The following RBFOX1 variants were observed in gnomAD, a reference collection of about 807,000 sequenced individuals.
RBFOX1 encodes RNA binding fox-1 homolog 1.
In RBFOX1, 8 loss-of-function variants were observed where a neutral mutation model predicts 57.7. That is an observed-to-expected ratio of 0.14 (90% CI 0.08 to 0.25). RBFOX1 has a LOEUF of 0.25. RBFOX1 is among the 10% of genes least tolerant of loss of function. The probability of loss-of-function intolerance (pLI) is 1.00; values close to 1 mark genes in which losing one functional copy is unlikely to be tolerated. For missense variants in RBFOX1, 611 were observed against 548.5 expected (o/e 1.11, Z -1.14); for synonymous variants, 326 against 222.4 (o/e 1.47, Z -4.15).
chr16:5,599,036 C>G (rs564553237), exon 3 of RBFOX1: 1 of 1,258,218 alleles, frequency 7.9e-7, no homozygotes, highest in Non-Finnish European at 1.1e-6. Context: ...CTTTGGTCTC[C>G]GTCATCAATC....
intron 10 of RBFOX1, among the ~76,000 whole-genome samples, chr16:7,608,972 T>C (rs2056888676): frequency 6.6e-6 from 1 of 152,108 alleles, no homozygotes. Context: ...TGTTAATTTC[T>C]GGGATCGGGG....
intron 3 of RBFOX1, among the ~76,000 whole-genome samples, chr16:7,042,583 A>C (rs1231110950): frequency 1.3e-5 from 2 of 152,248 alleles, no homozygotes; most frequent in African/African-American, 4.8e-5. Context: ...GACATATTAC[A>C]AACATTGGAT....
chr16:7,688,147 C>T (rs1396800083), intron 14 of RBFOX1, among the ~76,000 whole-genome samples: 1 of 151,696 alleles, frequency 6.6e-6, no homozygotes, highest in East Asian at 1.9e-4. Context: ...GGCATCTTGG[C>T]TGCCATCTAC....
chr16:6,993,827 T>A (rs1338310064), intron 3 of RBFOX1, among the ~76,000 whole-genome samples: 1 of 152,182 alleles, frequency 6.6e-6, no homozygotes, highest in African/African-American at 2.4e-5. Context: ...TATGCTTGCA[T>A]GAACACTCCA....
chr16:6,847,067 T>C (rs975204646), intron 3 of RBFOX1, among the ~76,000 whole-genome samples: 6 of 152,180 alleles, frequency 3.9e-5, no homozygotes, highest in Non-Finnish European at 7.3e-5. Context: ...TCTTGTAAAG[T>C]GAAGCATCTT....
intron 2 of RBFOX1, among the ~76,000 whole-genome samples, chr16:6,385,365 T>A (rs2092180667): frequency 1.3e-5 from 2 of 152,334 alleles, no homozygotes; most frequent in South Asian, 4.1e-4. Context: ...TGTTTTATTT[T>A]ATTTTATTTT....
At chr16:6,255,333 T>C (rs1032671091) in intron 1 of RBFOX1, among the ~76,000 whole-genome samples, 3 of 152,062 alleles carry the variant, frequency 2.0e-5, no homozygotes, top group Non-Finnish European at 4.4e-5. Flanking sequence ...GGGGCCCTTT[T>C]CTCCATGGTC....
At chr16:5,911,456 C>T (rs2058600915) in intron 4 of RBFOX1, among the ~76,000 whole-genome samples, 1 of 152,176 alleles carries the variant, frequency 6.6e-6, no homozygotes, top group Non-Finnish European at 1.5e-5. Context: ...CACGCTTCAT[C>T]CCCACAGTAT....
intron 3 of RBFOX1, among the ~76,000 whole-genome samples, chr16:5,756,384 G>A (rs909601017): frequency 6.6e-6 from 1 of 152,122 alleles, no homozygotes; most frequent in African/African-American, 2.4e-5. Flanking sequence ...AGACATGGCA[G>A]TGAGAAAAGA....
At chr16:7,241,205 A>T (rs2094039001) in intron 4 of RBFOX1, among the ~76,000 whole-genome samples, 1 of 152,122 alleles carries the variant, frequency 6.6e-6, no homozygotes, top group African/African-American at 2.4e-5. Context: ...GTATTGCCCC[A>T]CCTCTACCAT....
At chr16:6,061,197 G>A (rs147374307) in intron 1 of RBFOX1, among the ~76,000 whole-genome samples, 2 of 152,136 alleles carry the variant, frequency 1.3e-5, no homozygotes, top group South Asian at 4.1e-4. Flanking sequence ...TGGATTCTAT[G>A]AGAAGGACAG....
At chr16:5,820,526 GCTT>G (rs898351418) in intron 3 of RBFOX1, among the ~76,000 whole-genome samples, 1 of 152,110 alleles carries the variant, frequency 6.6e-6, no homozygotes, top group African/African-American at 2.4e-5. Context: ...ACCCACCCCA[GCTT>G]CTTTTCATCA....
intron 5 of RBFOX1, among the ~76,000 whole-genome samples, chr16:7,546,174 A>C (rs1377391527): frequency 1.3e-5 from 2 of 151,876 alleles, no homozygotes; most frequent in East Asian, 1.9e-4. Context: ...TAAAAATATA[A>C]AAATCAGCCA....
chr16:7,302,010 T>C (rs909766538), intron 4 of RBFOX1, among the ~76,000 whole-genome samples: 2 of 152,198 alleles, frequency 1.3e-5, no homozygotes, highest in Non-Finnish European at 2.9e-5. Flanking sequence ...TGACCTCTGA[T>C]GCAACGTACA....
chr16:7,546,039 A>T (rs2084414699), intron 5 of RBFOX1, among the ~76,000 whole-genome samples: 1 of 151,792 alleles, frequency 6.6e-6, no homozygotes, highest in Non-Finnish European at 1.5e-5. Flanking sequence ...AAGAAAAAGA[A>T]AATCAGGCCA....
chr16:6,779,441 A>G (rs897951881), intron 3 of RBFOX1, among the ~76,000 whole-genome samples: 1 of 151,870 alleles, frequency 6.6e-6, no homozygotes, highest in Non-Finnish European at 1.5e-5. Context: ...GGTTGATTTC[A>G]TAACTTGGCT....
chr16:7,206,282 T>C (rs1249249522), intron 4 of RBFOX1, among the ~76,000 whole-genome samples: 1 of 152,120 alleles, frequency 6.6e-6, no homozygotes, highest in African/African-American at 2.4e-5. Context: ...TCTAAGTTAA[T>C]AATGGGAAGT....
At chr16:7,449,081 C>A (rs1414070257) in intron 4 of RBFOX1, among the ~76,000 whole-genome samples, 1 of 151,926 alleles carries the variant, frequency 6.6e-6, no homozygotes, top group African/African-American at 2.4e-5. Context: ...AGGCATGCAC[C>A]AGCATGCCCG....
At chr16:7,246,629 C>A (rs976168658) in intron 4 of RBFOX1, among the ~76,000 whole-genome samples, 2 of 128,758 alleles carry the variant, frequency 1.6e-5, no homozygotes, top group Non-Finnish European at 3.1e-5. Context: ...TGTATGGTCA[C>A]CTCCTTTTTT....
Sources: allele counts gnomAD v4.1 joint callset (sites outside exome capture counted in the v4.1 genomes callset), GRCh38; gene constraint gnomAD v4.1.1; transcripts MANE v1.5; gene names NCBI Gene and HGNC (gene_info 2026-07-23, HGNC 2026-07-21).